The following ATP11A variants were observed in gnomAD, a reference collection of about 807,000 sequenced individuals.
ATP11A encodes ATPase phospholipid transporting 11A.
Under a neutral mutation model 154.4 loss-of-function variants are expected in ATP11A, and 81 were observed. That is an observed-to-expected ratio of 0.52 (90% CI 0.44 to 0.63). ATP11A has a LOEUF of 0.63. Ranked by LOEUF, ATP11A falls within the 30% of genes least tolerant of loss-of-function variation. The probability of loss-of-function intolerance (pLI) is 0.00; values close to 1 mark genes in which losing one functional copy is unlikely to be tolerated. For synonymous variants in ATP11A, 623 were observed against 585.9 expected (o/e 1.06, Z -0.91); for missense variants, 1,316 against 1,474.3 (o/e 0.89, Z 1.76).
intron 17 of ATP11A, among the ~76,000 whole-genome samples, chr13:112,846,893 G>A (rs1190320326): frequency 1.3e-5 from 2 of 152,170 alleles, no homozygotes; most frequent in African/African-American, 4.8e-5. Flanking sequence ...CAGGCCCTGA[G>A]CGCTGTGCCT....
intron 1 of ATP11A, among the ~76,000 whole-genome samples, chr13:112,780,949 T>A (rs1245583802): frequency 6.6e-6 from 1 of 152,094 alleles, no homozygotes; most frequent in East Asian, 1.9e-4. Context: ...GGGGTCTCCA[T>A]CCTCCTGCCC....
rs376312436 is a variant in ATP11A at position 112,785,233 on chromosome 13, A to G, written c.138A>G (p.Pro46=). The change falls in exon 2 of 30, where the codon CCA becomes CCG. Residue 46 remains proline (P), a synonymous_variant. Transcript: ENST00000375645. This position sits in a 1 kb window ranked among gnomAD's most constrained non-coding sequence, Gnocchi z 4.8. ...GAEAYIPQRY[P]DNRIVSSKYT... is the part of the protein sequence containing the mutation. ...AGGCCTACATCCCACAGAGATACCC[A>G]GACAACAGGATCGTCTCGTCCAAGG... 9 of 1,553,606 alleles carry G rather than the reference A, an allele frequency of 5.8e-6. No individual in the cohort carries two copies. In the African/African-American group the frequency reaches 1.3e-4, roughly 22 times the overall value.
At chr13:112,856,316 T>C in intron 20 of ATP11A, 1 of 342,382 alleles carries the variant, frequency 2.9e-6, no homozygotes, top group Non-Finnish European at 5.3e-6. Context: ...CCAGATGCAG[T>C]GGCCAGGACA....
chr13:112,729,834 T>C (rs1280808786), intron 1 of ATP11A, among the ~76,000 whole-genome samples: 1 of 152,222 alleles, frequency 6.6e-6, no homozygotes, highest in East Asian at 1.9e-4. Context: ...ACGCGCAAAC[T>C]GTTAATGTTG....
intron 1 of ATP11A, among the ~76,000 whole-genome samples, chr13:112,768,748 G>A (rs910209426): frequency 3.9e-5 from 6 of 152,164 alleles, no homozygotes; most frequent in African/African-American, 7.2e-5. Context: ...TAAACGCAGC[G>A]ACCCCTCGGT....
At position 112,785,203 on chromosome 13, in the gene ATP11A, C is replaced by G. The variant is rs753156635; in HGVS notation, c.108C>G (p.Gly36=). ...IYVGHREPPP[G]AEAYIPQRYP... ...TGGGACACAGGGAGCCACCTCCGGG[C>G]GCAGAGGCCTACATCCCACAGAGAT... is the stretch of plus-strand genomic sequence containing the variant. Residue 36 remains glycine, a synonymous_variant, in exon 2 of 30, where the codon GGC becomes GGG. Transcript: ENST00000375645. This position sits in a 1 kb window ranked among gnomAD's most constrained non-coding sequence, Gnocchi z 4.8. 1 of 1,577,440 alleles carries G rather than the reference C, an allele frequency of 6.3e-7. No individual in the cohort carries two copies. The highest frequency in any genetic ancestry group is 1.2e-5 in the South Asian group (1 of 86,190).
intron 1 of ATP11A, among the ~76,000 whole-genome samples, chr13:112,718,575 C>T (rs1286903394): frequency 6.6e-6 from 1 of 152,078 alleles, no homozygotes; most frequent in Non-Finnish European, 1.5e-5. Context: ...CTACTTGCCA[C>T]TTAGGTTCTT....
At chr13:112,847,279 A>T (rs6577117) in intron 17 of ATP11A, among the ~76,000 whole-genome samples, 64,546 of 152,156 alleles carry the variant, frequency 0.42, 16,108 homozygotes, top group African/African-American at 0.7. Flanking sequence ...GAGTCCAGTT[A>T]ATTTCTCCTT....
chr13:112,837,355 G>T (rs1332653285), intron 16 of ATP11A, among the ~76,000 whole-genome samples: 2 of 152,240 alleles, frequency 1.3e-5, no homozygotes, highest in African/African-American at 4.8e-5. Context: ...GGCTCAGGAA[G>T]CCTCTCCCGG....
chr13:112,881,139 A>G (rs1210004444), intron 29 of ATP11A: 21 of 987,438 alleles, frequency 2.1e-5, no homozygotes, highest in Non-Finnish European at 2.5e-5. Context: ...TCCTGCCAGC[A>G]TCCGCCGCTG....
chr13:112,867,501 C>T (rs534837788), intron 25 of ATP11A, among the ~76,000 whole-genome samples: 3 of 152,318 alleles, frequency 2.0e-5, no homozygotes, highest in Middle Eastern at 6.8e-3. Flanking sequence ...GTGCTGGCAA[C>T]GCAGTGCCAG....
At chr13:112,857,968 C>T in intron 21 of ATP11A, 48 bp downstream of exon 21, 1 of 1,599,112 alleles carries the variant, frequency 6.3e-7, no homozygotes, top group South Asian at 1.1e-5. Flanking sequence ...CAGGTCACCC[C>T]TTCGCTAGAC....
intron 1 of ATP11A, among the ~76,000 whole-genome samples, chr13:112,777,897 C>G (rs964908104): frequency 6.6e-6 from 1 of 152,242 alleles, no homozygotes; most frequent in Admixed American, 6.5e-5. Flanking sequence ...TCTCCCCCAA[C>G]GCCAGATGTG....
chr13:112,794,257 C>T (rs2077938692), intron 2 of ATP11A, among the ~76,000 whole-genome samples: 2 of 152,174 alleles, frequency 1.3e-5, no homozygotes, highest in Admixed American at 6.5e-5. Context: ...ATTGTGTCCC[C>T]AGGCAAATAC....
chr13:112,828,186 C>T (rs1235575537), intron 12 of ATP11A, among the ~76,000 whole-genome samples: 1 of 130,066 alleles, frequency 7.7e-6, no homozygotes, highest in Non-Finnish European at 1.6e-5. Context: ...AAGCGCCCAG[C>T]AGCATTGAGT....
chr13:112,771,945 C>T (rs1187313954), intron 1 of ATP11A, among the ~76,000 whole-genome samples: 2 of 152,150 alleles, frequency 1.3e-5, no homozygotes, highest in Non-Finnish European at 1.5e-5. Context: ...GCGGGGTGGT[C>T]CGTGGTCTTA....
chr13:112,819,824 G>A, intron 7 of ATP11A, 76 bp from the exon 8 acceptor site: 1 of 1,498,544 alleles, frequency 6.7e-7, no homozygotes, highest in Admixed American at 1.7e-5. Flanking sequence ...GCTCACAGAA[G>A]GCAGGTGGGC....
chr13:112,715,426 ACC>A (rs759490291), intron 1 of ATP11A, among the ~76,000 whole-genome samples: 2,477 of 50,356 alleles, frequency 0.049, 99 homozygotes, highest in Middle Eastern at 0.095. Flanking sequence ...CACCTGGCCC[ACC>A]TCCCCACACC....
intron 12 of ATP11A, 49 bp downstream of exon 12, chr13:112,826,940 G>T: frequency 6.3e-7 from 1 of 1,597,498 alleles, no homozygotes; most frequent in South Asian, 1.1e-5. Flanking sequence ...ATCTGGGTGA[G>T]TCTGCTTCAC....
Sources: allele counts gnomAD v4.1 joint callset (sites outside exome capture counted in the v4.1 genomes callset), GRCh38; gene constraint gnomAD v4.1.1; non-coding constraint Gnocchi (gnomAD v3.1); transcripts MANE v1.5; gene names NCBI Gene and HGNC (gene_info 2026-07-23, HGNC 2026-07-21).